Variants in STX11 observed in about 807,000 individuals in gnomAD.
STX11 encodes syntaxin 11, also known as syntaxin-11.
In STX11, 21 loss-of-function variants were observed where a neutral mutation model predicts 19.9. The ratio of observed to expected loss-of-function variants is 1.06; its 90% CI spans 0.75 to 1.52. The LOEUF (loss-of-function observed/expected upper bound fraction) is 1.52, where lower values mean the gene tolerates loss of function less well. Among genes scored for constraint, STX11 ranks in the 40% most tolerant of loss-of-function variants. STX11 has a pLI of 0.00. For synonymous variants in STX11, 193 were observed against 174.4 expected (o/e 1.11, Z -0.84); for missense variants, 438 against 405.9 (o/e 1.08, Z -0.68).
rs570884472 is a variant in STX11, at chr6:144,175,270, A to G, written c.-5-11353A>G. On this transcript the variant is annotated intron_variant, in intron 1 of 1. Transcript: ENST00000367568. The surrounding 1 kb of genome is among the most constrained non-coding windows in gnomAD (Gnocchi z 5.1). ...ACAATAATAATAATGATAATATAGT[A>G]AAATTAGTAGTTATCATTTGTTGAA... Among the ~76,000 whole-genome samples, 122 of 152,330 alleles carry G rather than the reference A, an allele frequency of 8.0e-4. 1 individual carries two copies. The South Asian group carries it at 0.024, about 31-fold the overall frequency.
At chr6:144,178,083 C>T (rs532960520) in intron 1 of STX11, among the ~76,000 whole-genome samples, 18 of 152,250 alleles carry the variant, frequency 1.2e-4, no homozygotes, top group Admixed American at 2.0e-4. Flanking sequence ...TTAGGGAATA[C>T]GTTTCCTATT....
At position 144,172,167 on chromosome 6, in the gene STX11, C is replaced by A. The variant is rs1801657972; in HGVS notation, c.-5-14456C>A. ...AGGTAGCTTTGTCAGTATAACAAGC[C>A]ACCCCCAAATAACAATTTTCTATTT... On this transcript the variant is annotated intron_variant, in intron 1 of 1. Coordinates refer to ENST00000367568, the MANE Select transcript of STX11 (RefSeq NM_003764.4). This position sits in a 1 kb window ranked among gnomAD's most constrained non-coding sequence, Gnocchi z 4.2. Among the ~76,000 whole-genome samples the A allele has an allele frequency of 6.6e-6, 1 of 152,170 alleles. No homozygotes were observed.
At chr6:144,147,452 C>A (rs1313500273), upstream of STX11, among the ~76,000 whole-genome samples, 1 of 152,192 alleles carries the variant, frequency 6.6e-6, no homozygotes, top group Non-Finnish European at 1.5e-5. The surrounding 1 kb of genome is among the most constrained non-coding windows in gnomAD (Gnocchi z 4.2). Context: ...TTATCTATCT[C>A]ACTAATCAGA....
In STX11 at chr6:144,189,316, C is replaced by T. The variant is rs72992192; in HGVS notation, c.*1825C>T. 6.8e-3 allele frequency among the ~76,000 whole-genome samples: 1,032 copies of T among 152,322 alleles called. 6 individuals are homozygous for T. The highest frequency in any genetic ancestry group is 8.2e-3 in the Non-Finnish European group (556 of 68,030). ...AGATTACAGGCCTGAGCCACTGACCCTGGCCAAATTTTTTTTCTACTAGCT... is the reference window on the plus strand; with the variant it reads ...AGATTACAGGCCTGAGCCACTGACCTTGGCCAAATTTTTTTTCTACTAGCT... On this transcript the variant is annotated 3_prime_UTR_variant, in exon 2 of 2. Coordinates refer to ENST00000367568, the MANE Select transcript of STX11 (RefSeq NM_003764.4).
Position 144,174,603 on chromosome 6 carries a change from A to G in STX11, c.-5-12020A>G, listed in dbSNP as rs1801731396. On this transcript the variant is annotated intron_variant, in intron 1 of 1. Coordinates refer to ENST00000367568, the MANE Select transcript of STX11 (RefSeq NM_003764.4). The surrounding 1 kb of genome is among the most constrained non-coding windows in gnomAD (Gnocchi z 5.3). The stretch of plus-strand genomic sequence containing the variant: ...GGCTGGTCTTGAACTCCTGGGCACA[A>G]GCGATCCACCCGCCTTGGCCTCCCA... Among the ~76,000 whole-genome samples, 1 of 152,032 alleles carries G rather than the reference A, an allele frequency of 6.6e-6. No individual in the cohort carries two copies. The highest frequency in any genetic ancestry group is 1.5e-5 in the Non-Finnish European group (1 of 68,008).
upstream of STX11, among the ~76,000 whole-genome samples, chr6:144,149,889 A>AC (rs1800949014): frequency 6.6e-6 from 1 of 152,138 alleles, no homozygotes; most frequent in Non-Finnish European, 1.5e-5. The surrounding 1 kb of genome is among the most constrained non-coding windows in gnomAD (Gnocchi z 5.1). Context: ...CCTCCCCGTT[A>AC]AAGTGCCGGG....
At chr6:144,146,102 G>A (rs1800868684), upstream of STX11, among the ~76,000 whole-genome samples, 1 of 152,204 alleles carries the variant, frequency 6.6e-6, no homozygotes, top group South Asian at 2.1e-4. This position sits in a 1 kb window ranked among gnomAD's most constrained non-coding sequence, Gnocchi z 4.4. Flanking sequence ...TTGACTGAGG[G>A]CCATGAAGGA....
chr6:144,190,349 G>C lies in STX11; in HGVS notation c.*2858G>C, dbSNP rs1802183995. ...ACCTCATAGAGCTGTTGTGAAAAGT[G>C]ATGACTGAATATGTAAAAGCACCTA... On this transcript the variant is annotated 3_prime_UTR_variant, in exon 2 of 2. Transcript: ENST00000367568. Among the ~76,000 whole-genome samples the C allele has an allele frequency of 6.6e-6, 1 of 152,218 alleles. No individual in the cohort carries two copies. The highest frequency in any genetic ancestry group is 2.1e-4 in the South Asian group (1 of 4,830).
In STX11 at chr6:144,151,437, T is replaced by G; in HGVS notation, c.-6+734T>G. ...AAAAATGAGTCACAGGGCTGCTCTCTTAATTGTGAGACTTTGTTAATGAAC... is the reference window on the plus strand; with the variant it reads ...AAAAATGAGTCACAGGGCTGCTCTCGTAATTGTGAGACTTTGTTAATGAAC... On this transcript the variant is annotated intron_variant, in intron 1 of 1. Transcript: ENST00000367568. This position sits in a 1 kb window ranked among gnomAD's most constrained non-coding sequence, Gnocchi z 4.6. 1 of 985,222 alleles carries G rather than the reference T, an allele frequency of 1.0e-6. No individual in the cohort carries two copies. Among genetic ancestry groups the G allele is most frequent in the Non-Finnish European group, 1.2e-6 (1 of 829,754 alleles). 61.0% of individuals were successfully genotyped at this position (985,222 alleles called of 1,614,324 possible).
Position 144,168,771 on chromosome 6 carries a change from A to G in STX11, c.-5-17852A>G, listed in dbSNP as rs141490758. ...TAAACTCCTTTTGAAAATCTTCTAC[A>G]CTTATGCCTCTCTTCACTGCTGCTA... On this transcript the variant is annotated intron_variant, in intron 1 of 1. Coordinates refer to ENST00000367568, the MANE Select transcript of STX11 (RefSeq NM_003764.4). Among the ~76,000 whole-genome samples the G allele has an allele frequency of 2.6e-3, 390 of 152,298 alleles. 3 individuals are homozygous for G. The highest frequency in any genetic ancestry group is 0.01 in the Middle Eastern group (3 of 294).
rs1801982989 is a variant in STX11 at position 144,184,609 on chromosome 6, T to C, written c.-5-2014T>C. 6.6e-6 allele frequency among the ~76,000 whole-genome samples: 1 copy of C among 152,256 alleles called. No individual in the cohort carries two copies. The highest frequency in any genetic ancestry group is 1.5e-5 in the Non-Finnish European group (1 of 68,038). ...ATTTAGTGCATTGGTTAAGTGGTGC[T>C]ATTCTAACGCCTGAGTGTTCACTTA... On this transcript the variant is annotated intron_variant, in intron 1 of 1. Coordinates refer to ENST00000367568, the MANE Select transcript of STX11 (RefSeq NM_003764.4). This position sits in a 1 kb window ranked among gnomAD's most constrained non-coding sequence, Gnocchi z 6.5.
intron 1 of STX11, among the ~76,000 whole-genome samples, chr6:144,168,506 T>G (rs535359721): frequency 1.3e-5 from 2 of 152,336 alleles, no homozygotes; most frequent in South Asian, 4.2e-4. Context: ...GCCTCTTTGT[T>G]GATGTTAAAA....
chr6:144,142,228 A>C, the STX11 span, among the ~76,000 whole-genome samples: 5 of 152,018 alleles, frequency 3.3e-5, no homozygotes, highest in Non-Finnish European at 7.4e-5. Flanking sequence ...TTGTAACCAA[A>C]CAATAGTATT....
Position 144,165,455 on chromosome 6 carries a change from CA to C in STX11, c.-6+14763del, listed in dbSNP as rs202244910. The stretch of plus-strand genomic sequence containing the variant: ...GGGCAACAAGAACGAAACTCTGTCT[CA>C]AAAAAAAAAAGAAAAACAAAAAAGA... On this transcript the variant is annotated intron_variant, in intron 1 of 1. Transcript: ENST00000367568. The surrounding 1 kb of genome is among the most constrained non-coding windows in gnomAD (Gnocchi z 5.8). Among the ~76,000 whole-genome samples the C allele has an allele frequency of 4.2e-4, 57 of 136,924 alleles. No homozygotes were observed. Among genetic ancestry groups the C allele is most frequent in the East Asian group, 1.0e-3 (5 of 4,956 alleles). The allele number at this position is 136,924 out of a possible 152,430, so 89.8% of individuals were successfully genotyped here.
chr6:144,158,756 G>A (rs778622742), intron 1 of STX11, among the ~76,000 whole-genome samples: 27 of 152,188 alleles, frequency 1.8e-4, no homozygotes, highest in Non-Finnish European at 3.1e-4. Flanking sequence ...CATAAATGTA[G>A]GATGGTATAT....
Position 144,187,064 on chromosome 6 carries a change from A to T in STX11, c.437A>T (p.Tyr146Phe). The T allele has an allele frequency of 2.5e-6, 4 of 1,613,444 alleles. No homozygotes were observed. The highest frequency in any genetic ancestry group is 3.4e-6 in the Non-Finnish European group (4 of 1,179,990). Reference protein sequence around the residue: ...TLTFQRAMHDYNQAEMKQRDN... With the variant: ...TLTFQRAMHDFNQAEMKQRDN... ...ACCTTCCAGCGCGCCATGCACGACT[A>T]CAACCAGGCCGAGATGAAGCAGCGC... The change falls in exon 2 of 2, where the codon TAC becomes TTC. Residue 146 changes from tyrosine to phenylalanine, a missense_variant. Coordinates refer to ENST00000367568, the MANE Select transcript of STX11 (RefSeq NM_003764.4). This position sits in a 1 kb window ranked among gnomAD's most constrained non-coding sequence, Gnocchi z 5.6.
chr6:144,155,939 AATCTTTCTTTCT>A lies in STX11; in HGVS notation c.-6+5237_-6+5248del, dbSNP rs1562655235. On this transcript the variant is annotated intron_variant, in intron 1 of 1. Coordinates refer to ENST00000367568, the MANE Select transcript of STX11 (RefSeq NM_003764.4). The surrounding 1 kb of genome is among the most constrained non-coding windows in gnomAD (Gnocchi z 4.5). ...GCTAATTAAATGTGTTTTAAAATTT[AATCTTTCTTTCT>A]TTCTTTCTTTCTTTCTTTCTTTCTT... 5.6e-5 allele frequency among the ~76,000 whole-genome samples: 6 copies of A among 107,680 alleles called. No homozygotes were observed. The highest frequency in any genetic ancestry group is 9.6e-5 in the Non-Finnish European group (5 of 52,088). The allele number at this position is 107,680 out of a possible 152,430, so 70.6% of individuals were successfully genotyped here. A position where few individuals can be genotyped will look rare whatever the true frequency, so the allele number is the denominator to read the frequency against.
upstream of STX11, among the ~76,000 whole-genome samples, chr6:144,148,737 G>T (rs1295828809): frequency 1.3e-5 from 2 of 152,166 alleles, no homozygotes; most frequent in African/African-American, 4.8e-5. Context: ...CTAGGCTGCG[G>T]CAGTTTTTCA....
rs147525157 is a variant in STX11 at position 144,187,212 on chromosome 6, C to A, written c.585C>A (p.Ala195=). 5.8e-5 allele frequency: 93 copies of A among 1,613,816 alleles called. No homozygotes were observed. The highest frequency in any genetic ancestry group is 7.5e-5 in the Non-Finnish European group (88 of 1,179,990). ...ACGTGTTTTCCGAGAACTTGCTGGC[C>A]GACGTGAAGGGCGCGCGGGCCGCCC... ...KWDVFSENLL[A]DVKGARAALN... The change falls in exon 2 of 2, where the codon GCC becomes GCA. Residue 195 remains alanine, a synonymous_variant. Transcript: ENST00000367568. The surrounding 1 kb of genome is among the most constrained non-coding windows in gnomAD (Gnocchi z 5.6).
Sources: allele counts gnomAD v4.1 joint callset (sites outside exome capture counted in the v4.1 genomes callset), GRCh38; gene constraint gnomAD v4.1.1; non-coding constraint Gnocchi (gnomAD v3.1); transcripts MANE v1.5; gene names NCBI Gene and HGNC (gene_info 2026-07-23, HGNC 2026-07-21).